Variants in SNX31 observed in about 807,000 individuals in gnomAD.
The protein encoded by SNX31 is sorting nexin-31.
SNX31 carries 58 observed loss-of-function variants against 65.4 expected under a neutral mutation model. The observed-to-expected ratio is 0.89, with a 90% CI of 0.72 to 1.10. The LOEUF (loss-of-function observed/expected upper bound fraction) is 1.10. Among genes scored for constraint, SNX31 ranks in the 50% least tolerant of loss-of-function variants. SNX31 has a pLI of 0.00. For missense variants in SNX31, 523 were observed against 529.7 expected (o/e 0.99, Z 0.12); for synonymous variants, 181 against 190.1 (o/e 0.95, Z 0.39).
At chr8:100,615,838 C>T (rs1394384806) in intron 5 of SNX31, among the ~76,000 whole-genome samples, 17 of 152,246 alleles carry the variant, frequency 1.1e-4, no homozygotes, top group East Asian at 3.9e-4. Context: ...GGCGCGATCT[C>T]GGCTCACTGC....
At chr8:100,582,245 C>CT (rs1457719840) in intron 12 of SNX31, 20 of 152,302 alleles carry the variant, frequency 1.3e-4, no homozygotes, top group African/African-American at 4.3e-4. Context: ...AACTCTTTAG[C>CT]TACTCATTGT....
At chr8:100,590,007 T>C (rs16898608) in intron 10 of SNX31, among the ~76,000 whole-genome samples, 3,796 of 152,342 alleles carry the variant, frequency 0.025, 168 homozygotes, top group African/African-American at 0.085. Flanking sequence ...TTCCTATTTC[T>C]TAGAAAGCTT....
In SNX31 at chr8:100,622,024, C is replaced by T. The variant is rs985794485; in HGVS notation, c.322-4294G>A. ...AGGTGAGAAGTGGGAGGCAGCCAAC[C>T]TTCCACAACTTTTTAGTTAAATAAA... On this transcript the variant is annotated intron_variant, in intron 4 of 13. Coordinates refer to ENST00000311812, the MANE Select transcript of SNX31 (RefSeq NM_152628.4). The surrounding 1 kb of genome is among the most constrained non-coding windows in gnomAD (Gnocchi z 5.0). Among the ~76,000 whole-genome samples the T allele has an allele frequency of 4.6e-5, 7 of 152,230 alleles. No individual in the cohort carries two copies. The highest frequency in any genetic ancestry group is 1.7e-4 in the African/African-American group (7 of 41,450).
chr8:100,596,854 A>T lies in SNX31; in HGVS notation c.775-12T>A. On this transcript the variant is annotated splice_polypyrimidine_tract_variant and intron_variant, in intron 9 of 13. Transcript: ENST00000311812. ...GCCAGCTCCAAAAACTGCTCCAAAGAGGGTGATGTGGGGGGAGGGGAGGCA... is the reference window on the plus strand; with the variant it reads ...GCCAGCTCCAAAAACTGCTCCAAAGTGGGTGATGTGGGGGGAGGGGAGGCA... The T allele has an allele frequency of 6.2e-7, 1 of 1,612,906 alleles. No homozygotes were observed. Among genetic ancestry groups the T allele is most frequent in the Non-Finnish European group, 8.5e-7 (1 of 1,179,750 alleles).
At chr8:100,599,503 G>A (rs879907588) in intron 9 of SNX31, among the ~76,000 whole-genome samples, 9 of 151,846 alleles carry the variant, frequency 5.9e-5, no homozygotes, top group African/African-American at 9.7e-5. Context: ...GCAGGTGGGG[G>A]GGATATTAAA....
chr8:100,638,478 ATC>A (rs1818930305), intron 2 of SNX31, among the ~76,000 whole-genome samples: 1 of 152,216 alleles, frequency 6.6e-6, no homozygotes, highest in South Asian at 2.1e-4. Context: ...TTGGTCTAAC[ATC>A]TGGAATGGTT....
upstream of SNX31, among the ~76,000 whole-genome samples, chr8:100,652,577 C>T (rs1819994132): frequency 1.3e-5 from 2 of 152,274 alleles, no homozygotes; most frequent in South Asian, 4.1e-4. Context: ...CATAGTATTA[C>T]AGAACAAATG....
Position 100,630,669 on chromosome 8 carries a change from C to T in SNX31, c.257-278G>A, listed in dbSNP as rs1818353067. Among the ~76,000 whole-genome samples, 1 of 152,224 alleles carries T rather than the reference C, an allele frequency of 6.6e-6. No individual in the cohort carries two copies. Among genetic ancestry groups the T allele is most frequent in the African/African-American group, 2.4e-5 (1 of 41,452 alleles). On this transcript the variant is annotated intron_variant, in intron 3 of 13. Transcript: ENST00000311812. The surrounding 1 kb of genome is among the most constrained non-coding windows in gnomAD (Gnocchi z 5.3). Reference sequence around the variant, plus strand: ...CCCATACTACTGAACATCCATTTTGCTGCCCTACCAGGATGATAATGAAGT... The same window carrying T: ...CCCATACTACTGAACATCCATTTTGTTGCCCTACCAGGATGATAATGAAGT...
intron 4 of SNX31, chr8:100,618,441 C>T: frequency 1.2e-6 from 1 of 839,922 alleles, no homozygotes; most frequent in South Asian, 1.5e-5. Context: ...ACCAATTCTC[C>T]AGTTCTTGAA....
chr8:100,642,910 G>C (rs554993484), intron 2 of SNX31, among the ~76,000 whole-genome samples: 13 of 152,240 alleles, frequency 8.5e-5, no homozygotes, highest in African/African-American at 3.1e-4. Flanking sequence ...CCCAGAACAG[G>C]GCGGGCGTGA....
Position 100,646,127 on chromosome 8 carries a change from A to G in SNX31, c.141+3147T>C, listed in dbSNP as rs183293461. On this transcript the variant is annotated intron_variant, in intron 2 of 13. Transcript: ENST00000311812. Reference sequence around the variant, plus strand: ...TCATCCTCTGAAGCTTCACTGAAAAACCACCTGACAAAAGGCAGATTCATA... The same window carrying G: ...TCATCCTCTGAAGCTTCACTGAAAAGCCACCTGACAAAAGGCAGATTCATA... Among the ~76,000 whole-genome samples, 453 of 151,974 alleles carry G rather than the reference A, an allele frequency of 3.0e-3. 1 individual carries two copies. The highest frequency in any genetic ancestry group is 8.7e-3 in the African/African-American group (358 of 41,350).
At position 100,573,312 on chromosome 8, in the gene SNX31, A is replaced by G. The variant is rs1239786161; in HGVS notation, c.*553T>C. On this transcript the variant is annotated 3_prime_UTR_variant, in exon 14 of 14. Transcript: ENST00000311812. ...TCAGACTTATGTGAGGAAAGAGATC[A>G]GTATTTCATCACCTCCTTGCTCTAG... 1 of 152,210 alleles carries G rather than the reference A, an allele frequency of 6.6e-6. No homozygotes were observed. The highest frequency in any genetic ancestry group is 1.5e-5 in the Non-Finnish European group (1 of 68,050). 9.4% of individuals were successfully genotyped at this position (152,210 alleles called of 1,614,324 possible).
rs372217048 is a variant in SNX31 at position 100,608,448 on chromosome 8, A to C, written c.681+46T>G. 14 of 1,590,188 alleles carry C rather than the reference A, an allele frequency of 8.8e-6. No homozygotes were observed. The African/African-American group carries it at 1.9e-4, about 21-fold the overall frequency. On this transcript the variant is annotated intron_variant, in intron 8 of 13. Transcript: ENST00000311812. ...ATTTGTTTAGTGGCTCCAAGCCAAC[A>C]TGGCCTATGATCTACGGTGCTGTCT... is the stretch of plus-strand genomic sequence containing the variant.
chr8:100,618,555 C>A (rs1817437679), intron 4 of SNX31: 1 of 550,698 alleles, frequency 1.8e-6, no homozygotes, highest in Non-Finnish European at 3.2e-6. Context: ...AAGACTACCC[C>A]CTTCACATGC....
chr8:100,644,114 AGAG>A, intron 2 of SNX31, among the ~76,000 whole-genome samples: 1 of 152,148 alleles, frequency 6.6e-6, no homozygotes, highest in East Asian at 1.9e-4. Flanking sequence ...GGGTAGGGAA[AGAG>A]GAGATCAGGT....
At position 100,655,288 on chromosome 8, in the gene SNX31, A is replaced by C. The variant is rs143266127; in HGVS notation, c.-58+7854T>G. Among the ~76,000 whole-genome samples, 28 of 152,310 alleles carry C rather than the reference A, an allele frequency of 1.8e-4. No homozygotes were observed. The East Asian group carries it at 4.4e-3, about 24-fold the overall frequency. On this transcript the variant is annotated intron_variant, in intron 1 of 5. Transcript: ENST00000520352. Reference sequence around the variant, plus strand: ...GTTAACTGGTAAGAGCATTTTAGGAAGGCAACACAGCAAAGGCCTGGGATA... The same window carrying C: ...GTTAACTGGTAAGAGCATTTTAGGACGGCAACACAGCAAAGGCCTGGGATA...
At position 100,596,787 on chromosome 8, in the gene SNX31, C is replaced by G. The variant is rs1815132619; in HGVS notation, c.830G>C (p.Cys277Ser). 1.2e-6 allele frequency: 2 copies of G among 1,613,892 alleles called. No individual in the cohort carries two copies. The highest frequency in any genetic ancestry group is 2.7e-5 in the African/African-American group (2 of 74,870). Residue 277 changes from cysteine (C) to serine (S), a missense_variant, in exon 10 of 14, where the codon TGT becomes TCT. Cys to Ser is a moderately radical substitution (Grantham distance 112, BLOSUM62 -1). Transcript: ENST00000311812. ...RHYGYLQLDP[C>S]TCDYPESGSG... Reference sequence around the variant, plus strand: ...GCCTGATTCTGGGTAGTCACAGGTACAAGGATCCAGCTGCAGGTATCCATA... The same window carrying G: ...GCCTGATTCTGGGTAGTCACAGGTAGAAGGATCCAGCTGCAGGTATCCATA...
chr8:100,629,385 G>GTA lies in SNX31; in HGVS notation c.321+941_321+942insTA, dbSNP rs1818273269. Among the ~76,000 whole-genome samples the GTA allele has an allele frequency of 6.6e-6, 1 of 152,142 alleles. No individual in the cohort carries two copies. The highest frequency in any genetic ancestry group is 2.4e-5 in the African/African-American group (1 of 41,426). On this transcript the variant is annotated intron_variant, in intron 4 of 13. Transcript: ENST00000311812. The surrounding 1 kb of genome is among the most constrained non-coding windows in gnomAD (Gnocchi z 5.1). ...AACTTTTCAAAGAATAGGAAAGTGT[G>GTA]TGTATATATAAACCATCAAGAAATT...
chr8:100,644,281 G>A (rs892084489), intron 2 of SNX31, among the ~76,000 whole-genome samples: 7 of 152,270 alleles, frequency 4.6e-5, no homozygotes, highest in African/African-American at 1.4e-4. Context: ...TGCTGGCAGA[G>A]TGCAAAGAAA....
Sources: gnomAD v4.1 joint callset for allele counts (sites outside exome capture counted in the v4.1 genomes callset) on GRCh38, gnomAD v4.1.1 for gene constraint, Gnocchi (gnomAD v3.1) non-coding constraint, MANE v1.5 for transcripts, NCBI Gene and HGNC (gene_info 2026-07-23, HGNC 2026-07-21) for gene names.